Variants in AMPH observed in about 807,000 individuals in gnomAD.
The protein encoded by AMPH is amphiphysin, also known as amphiphysin (Stiff-Mann syndrome with breast cancer 128kD autoantigen).
In AMPH, 49 loss-of-function variants were observed where a neutral mutation model predicts 99.1. The ratio of observed to expected loss-of-function variants is 0.49; its 90% CI spans 0.39 to 0.63. The LOEUF (loss-of-function observed/expected upper bound fraction) is 0.63. AMPH is among the 20% of genes least tolerant of loss of function. The probability of loss-of-function intolerance (pLI) is 0.00; values close to 1 mark genes in which losing one functional copy is unlikely to be tolerated. For synonymous variants in AMPH, 314 were observed against 317.3 expected (o/e 0.99, Z 0.11); for missense variants, 759 against 863.4 (o/e 0.88, Z 1.52).
At chr7:38,609,179 C>T (rs1438000815) in intron 1 of AMPH, among the ~76,000 whole-genome samples, 2 of 152,110 alleles carry the variant, frequency 1.3e-5, no homozygotes, top group Admixed American at 1.3e-4. Context: ...TAAATAGGAA[C>T]TGTTTTCAGA....
At chr7:38,386,138 C>T (rs756472225) in intron 20 of AMPH, among the ~76,000 whole-genome samples, 1 of 151,930 alleles carries the variant, frequency 6.6e-6, no homozygotes, top group East Asian at 1.9e-4. Flanking sequence ...AAAAAAACCG[C>T]TGAGGAAAAA....
chr7:38,441,480 A>G (rs529626442), intron 11 of AMPH, among the ~76,000 whole-genome samples: 1 of 151,950 alleles, frequency 6.6e-6, no homozygotes, highest in Non-Finnish European at 1.5e-5. Flanking sequence ...TGGGTCATCA[A>G]ATAGGTCTCA....
rs185813289 is a variant in AMPH, at chr7:38,535,114, T to C, written c.70-103A>G. The C allele has an allele frequency of 1.1e-5, 11 of 975,970 alleles. No homozygotes were observed. The East Asian group carries it at 2.8e-4, about 25-fold the overall frequency. 60.5% of individuals were successfully genotyped at this position (975,970 alleles called of 1,614,324 possible). A position where few individuals can be genotyped will look rare whatever the true frequency, so the allele number is the denominator to read the frequency against. On this transcript the variant is annotated intron_variant, in intron 1 of 20. Coordinates refer to ENST00000356264, the MANE Select transcript of AMPH (RefSeq NM_001635.4). ...AAGGCTGTTGTTTTGCTCTGAGGAG[T>C]AGAGCAAAACTATCAGCACTTCTAA...
At chr7:38,425,393 C>A (rs949308541) in intron 15 of AMPH, among the ~76,000 whole-genome samples, 13 of 152,200 alleles carry the variant, frequency 8.5e-5, no homozygotes, top group Non-Finnish European at 1.6e-4. Context: ...ATTTGTATAA[C>A]TATAGAGTAT....
chr7:38,450,085 C>T (rs1786947849), intron 11 of AMPH, among the ~76,000 whole-genome samples: 1 of 152,174 alleles, frequency 6.6e-6, no homozygotes, highest in African/African-American at 2.4e-5. Flanking sequence ...TTGGTCCCAA[C>T]ACTCAGGATT....
At chr7:38,412,077 G>C (rs2128984962) in intron 17 of AMPH, among the ~76,000 whole-genome samples, 1 of 152,270 alleles carries the variant, frequency 6.6e-6, no homozygotes, top group Admixed American at 6.5e-5. Context: ...CAAGGGCCTG[G>C]GGAGGGGAAG....
chr7:38,442,630 G>A (rs971952434), intron 11 of AMPH, among the ~76,000 whole-genome samples: 4 of 152,074 alleles, frequency 2.6e-5, no homozygotes, highest in Admixed American at 6.6e-5. Context: ...AGAAATCAAA[G>A]TGGAAATTGG....
chr7:38,538,956 T>C (rs1489562416), intron 1 of AMPH, among the ~76,000 whole-genome samples: 1 of 152,180 alleles, frequency 6.6e-6, no homozygotes, highest in Non-Finnish European at 1.5e-5. Flanking sequence ...ACTTATACTT[T>C]GGAAATCACC....
intron 7 of AMPH, among the ~76,000 whole-genome samples, chr7:38,474,388 C>G (rs1359085192): frequency 6.6e-6 from 1 of 152,096 alleles, no homozygotes; most frequent in African/African-American, 2.4e-5. Flanking sequence ...GAGGTAAAAA[C>G]TAGCCAAAAT....
chr7:38,574,489 T>G (rs75437695), intron 1 of AMPH, among the ~76,000 whole-genome samples: 4,376 of 152,314 alleles, frequency 0.029, 182 homozygotes, highest in East Asian at 0.084. Flanking sequence ...TTCCTCTAAT[T>G]ACAAGATTTA....
intron 2 of AMPH, among the ~76,000 whole-genome samples, chr7:38,508,710 G>C (rs535798800): frequency 7.9e-5 from 12 of 152,176 alleles, no homozygotes; most frequent in African/African-American, 2.9e-4. Flanking sequence ...TATTATTTTT[G>C]GCCTTTGATG....
chr7:38,433,443 T>A (rs1387277309), intron 12 of AMPH, among the ~76,000 whole-genome samples: 2 of 152,156 alleles, frequency 1.3e-5, no homozygotes, highest in Non-Finnish European at 2.9e-5. Context: ...TCAAAGATCA[T>A]GGCCGGGCGC....
At chr7:38,480,351 G>A (rs1387382458) in intron 5 of AMPH, among the ~76,000 whole-genome samples, 2 of 152,070 alleles carry the variant, frequency 1.3e-5, no homozygotes, top group African/African-American at 4.8e-5. Context: ...GGTCATGTGA[G>A]TGCAGGGTTA....
At chr7:38,485,370 C>T (rs183982128) in intron 5 of AMPH, among the ~76,000 whole-genome samples, 37 of 151,884 alleles carry the variant, frequency 2.4e-4, no homozygotes, top group Admixed American at 6.6e-4. Flanking sequence ...AAAACTGTCA[C>T]AAGAGAAATG....
intron 1 of AMPH, among the ~76,000 whole-genome samples, chr7:38,619,756 T>C (rs1793991370): frequency 6.6e-6 from 1 of 152,214 alleles, no homozygotes; most frequent in South Asian, 2.1e-4. Flanking sequence ...AGGAGAGCCC[T>C]ACAAGGACTT....
chr7:38,450,244 T>A (rs1489957130), intron 11 of AMPH, among the ~76,000 whole-genome samples: 1 of 152,128 alleles, frequency 6.6e-6, no homozygotes, highest in Non-Finnish European at 1.5e-5. Context: ...ATATGCAATA[T>A]CATAGTTGGA....
At chr7:38,418,127 A>C in intron 16 of AMPH, 177 bp from the exon 17 acceptor site, 1 of 555,710 alleles carries the variant, frequency 1.8e-6, no homozygotes, top group Non-Finnish European at 2.9e-6. Context: ...AATGGAAAAG[A>C]CTAGAAATAA....
chr7:38,478,259 T>C (rs964397287), intron 5 of AMPH, among the ~76,000 whole-genome samples: 2 of 152,136 alleles, frequency 1.3e-5, no homozygotes, highest in Non-Finnish European at 2.9e-5. Context: ...GCAGCCACAC[T>C]GAGAGAAACC....
chr7:38,430,611 T>C (rs910089818), intron 13 of AMPH, among the ~76,000 whole-genome samples: 1 of 152,172 alleles, frequency 6.6e-6, no homozygotes, highest in African/African-American at 2.4e-5. Flanking sequence ...ACTAAAGATA[T>C]AAAATATTGG....
Sources: allele counts gnomAD v4.1 joint callset (sites outside exome capture counted in the v4.1 genomes callset), GRCh38; gene constraint gnomAD v4.1.1; transcripts MANE v1.5; gene names NCBI Gene and HGNC (gene_info 2026-07-23, HGNC 2026-07-21).